The following FMN1 variants were observed in gnomAD, a reference collection of about 807,000 sequenced individuals.
FMN1 encodes formin 1.
In FMN1, 110 loss-of-function variants were observed where a neutral mutation model predicts 132.4. That is an observed-to-expected ratio of 0.83 (90% CI 0.71 to 0.97). The LOEUF is 0.97. Among genes scored for constraint, FMN1 ranks in the 50% least tolerant of loss-of-function variants. The pLI is 0.00. For missense variants in FMN1, 1,792 were observed against 1,705.3 expected (o/e 1.05, Z -0.90); for synonymous variants, 722 against 651.7 (o/e 1.11, Z -1.64).
At chr15:33,044,350 G>A (rs1596540230) in intron 6 of FMN1, among the ~76,000 whole-genome samples, 1 of 152,344 alleles carries the variant, frequency 6.6e-6, no homozygotes, top group South Asian at 2.1e-4. Flanking sequence ...TGGAGGTTGG[G>A]CTGCCAGTCC....
intron 9 of FMN1, among the ~76,000 whole-genome samples, chr15:32,938,169 G>T (rs999754368): frequency 6.6e-6 from 1 of 152,024 alleles, no homozygotes; most frequent in East Asian, 1.9e-4. Flanking sequence ...GTCAGTGCAG[G>T]CAGAGCCATT....
At chr15:33,116,687 G>A (rs114768522) in intron 4 of FMN1, among the ~76,000 whole-genome samples, 277 of 152,102 alleles carry the variant, frequency 1.8e-3, no homozygotes, top group African/African-American at 6.1e-3. Flanking sequence ...AGCAGTTGTA[G>A]AGAGGAAATT....
intron 3 of FMN1, among the ~76,000 whole-genome samples, chr15:33,174,106 C>T (rs1965428803): frequency 6.6e-6 from 1 of 151,456 alleles, no homozygotes; most frequent in Admixed American, 6.6e-5. Flanking sequence ...GGTTATTAAG[C>T]TTATAGAGGA....
chr15:33,154,717 C>T lies in FMN1; in HGVS notation c.198G>A (p.Pro66=), dbSNP rs113000141. ...ESDIISLSQE[P]DEHPGDIFFK... is the part of the protein sequence containing the mutation. ...AAAATATGTCGCCTGGATGTTCGTC[C>T]GGCTCCTGGCTGAGGCTGATGATGT... is the stretch of plus-strand genomic sequence containing the variant. The change falls in exon 4 of 21, where the codon CCG becomes CCA. Residue 66 remains proline, a synonymous_variant. Transcript: ENST00000616417. The T allele has an allele frequency of 4.2e-5, 64 of 1,536,056 alleles. No individual in the cohort carries two copies. Among genetic ancestry groups the T allele is most frequent in the South Asian group, 2.9e-4 (24 of 84,056 alleles).
intron 16 of FMN1, among the ~76,000 whole-genome samples, chr15:32,869,334 GA>G (rs537410085): frequency 1.7e-4 from 26 of 152,278 alleles, no homozygotes; most frequent in Admixed American, 1.0e-3. Flanking sequence ...GCCTGGTTAG[GA>G]AAAGTGTCAC....
chr15:32,774,038 G>T lies in FMN1; in HGVS notation c.*272C>A. The T allele has an allele frequency of 2.2e-6, 1 of 463,508 alleles. No homozygotes were observed. The highest frequency in any genetic ancestry group is 3.8e-6 in the Non-Finnish European group (1 of 266,298). The allele number at this position is 463,508 out of a possible 1,614,324, so 28.7% of individuals were successfully genotyped here. A position where few individuals can be genotyped will look rare whatever the true frequency, so the allele number is the denominator to read the frequency against. On this transcript the variant is annotated 3_prime_UTR_variant, in exon 21 of 21. Coordinates refer to ENST00000616417, the MANE Select transcript of FMN1 (RefSeq NM_001277313.2). ...TTGGAAACATTTTGGTATTTCTTCTGCTCTTAGAGTGGACTTTGGGCTTCC... is the reference window on the plus strand; with the variant it reads ...TTGGAAACATTTTGGTATTTCTTCTTCTCTTAGAGTGGACTTTGGGCTTCC...
intron 6 of FMN1, chr15:33,012,362 G>C: frequency 1.1e-6 from 1 of 882,492 alleles, no homozygotes; most frequent in East Asian, 2.4e-5. Flanking sequence ...GGTGGATGAA[G>C]AGTTGTGGAA....
intron 5 of FMN1, among the ~76,000 whole-genome samples, chr15:33,069,499 A>G (rs2037899226): frequency 6.6e-6 from 1 of 152,234 alleles, no homozygotes; most frequent in Admixed American, 6.5e-5. Context: ...TGCAAAATGG[A>G]AATGGTAGCC....
intron 4 of FMN1, among the ~76,000 whole-genome samples, chr15:33,146,938 G>T (rs1051546872): frequency 1.3e-5 from 2 of 152,086 alleles, no homozygotes; most frequent in African/African-American, 2.4e-5. Flanking sequence ...ACTTTGGAAG[G>T]TCGAGGCGGG....
chr15:32,967,850 G>C (rs1009865446), intron 8 of FMN1, among the ~76,000 whole-genome samples: 1 of 152,228 alleles, frequency 6.6e-6, no homozygotes, highest in Non-Finnish European at 1.5e-5. Context: ...ATTACCACAT[G>C]ACTTGGGAAA....
At chr15:32,986,942 T>C (rs1011105804) in intron 7 of FMN1, among the ~76,000 whole-genome samples, 1 of 152,186 alleles carries the variant, frequency 6.6e-6, no homozygotes, top group Non-Finnish European at 1.5e-5. Flanking sequence ...ATTTCCTAAC[T>C]GATCAAACAT....
At chr15:32,786,954 C>T (rs375544619) in intron 19 of FMN1, among the ~76,000 whole-genome samples, 1 of 152,284 alleles carries the variant, frequency 6.6e-6, no homozygotes, top group East Asian at 1.9e-4. Context: ...CAGGCGAAAA[C>T]GGGCTAATGT....
At chr15:32,781,329 C>T (rs924972492) in intron 19 of FMN1, among the ~76,000 whole-genome samples, 3 of 152,146 alleles carry the variant, frequency 2.0e-5, no homozygotes, top group African/African-American at 7.2e-5. Context: ...TAGCTTAGCT[C>T]TTTATTTAGC....
At chr15:33,039,276 T>A (rs2036319445) in intron 6 of FMN1, among the ~76,000 whole-genome samples, 1 of 152,172 alleles carries the variant, frequency 6.6e-6, no homozygotes, top group African/African-American at 2.4e-5. Flanking sequence ...ACAGAGATAA[T>A]TATTTACCAA....
intron 4 of FMN1, among the ~76,000 whole-genome samples, chr15:33,140,879 C>CTAGTATAATATGTATAAACTAG: frequency 1.3e-5 from 2 of 152,114 alleles, no homozygotes; most frequent in Non-Finnish European, 2.9e-5. Context: ...AAACTAGGAT[C>CTAGTATAATATGTATAAACTAG]TTATTTTAAT....
intron 3 of FMN1, among the ~76,000 whole-genome samples, chr15:33,157,745 A>AC (rs1223851171): frequency 1.3e-5 from 2 of 152,166 alleles, no homozygotes; most frequent in African/African-American, 4.8e-5. Context: ...TAATCCCAGC[A>AC]CGTTGGGAGG....
chr15:32,780,822 TA>T (rs1405951751), intron 19 of FMN1, among the ~76,000 whole-genome samples: 2 of 152,190 alleles, frequency 1.3e-5, no homozygotes, highest in Non-Finnish European at 2.9e-5. Flanking sequence ...AGAATAAATG[TA>T]AGCTGCTATT....
intron 4 of FMN1, among the ~76,000 whole-genome samples, chr15:33,122,148 T>C (rs1254605608): frequency 6.6e-6 from 1 of 152,216 alleles, no homozygotes; most frequent in Non-Finnish European, 1.5e-5. Context: ...AATTATCCCT[T>C]GTCCACGGAA....
At chr15:32,795,252 G>A (rs751135197) in intron 19 of FMN1, among the ~76,000 whole-genome samples, 1 of 152,116 alleles carries the variant, frequency 6.6e-6, no homozygotes, top group Admixed American at 6.6e-5. Context: ...GTGAGGCAAG[G>A]TAGCTATAGA....
Sources: gnomAD v4.1 joint callset for allele counts (sites outside exome capture counted in the v4.1 genomes callset) on GRCh38, gnomAD v4.1.1 for gene constraint, MANE v1.5 for transcripts, NCBI Gene and HGNC (gene_info 2026-07-23, HGNC 2026-07-21) for gene names.